MYBPC1: variants seen among roughly 807,000 people sequenced by gnomAD.
MYBPC1 encodes the protein myosin-binding protein C, slow-type.
Under a neutral mutation model 147.1 loss-of-function variants are expected in MYBPC1, and 52 were observed. The observed-to-expected ratio is 0.35, with a 90% CI of 0.28 to 0.45. The LOEUF (loss-of-function observed/expected upper bound fraction) is 0.45. Ranked by LOEUF, MYBPC1 falls within the 20% of genes least tolerant of loss-of-function variation. The pLI is 1.00. For synonymous variants in MYBPC1, 477 were observed against 475.9 expected (o/e 1.00, Z -0.03); for missense variants, 1,228 against 1,440.3 (o/e 0.85, Z 2.39).
At chr12:101,638,127 A>G (rs1697484) in intron 10 of MYBPC1, among the ~76,000 whole-genome samples, 95,074 of 152,082 alleles carry the variant, frequency 0.63, 30,914 homozygotes, top group African/African-American at 0.8. Context: ...TATTAAAGAT[A>G]CCACTCTGAA....
intron 1 of MYBPC1, among the ~76,000 whole-genome samples, chr12:101,610,057 G>T (rs1006716449): frequency 1.2e-4 from 19 of 152,192 alleles, no homozygotes; most frequent in Non-Finnish European, 2.2e-4. Flanking sequence ...TGCATGAGCA[G>T]TTCCTTCAAG....
At position 101,670,340 on chromosome 12, in the gene MYBPC1, T is replaced by C. The variant is rs7139095; in HGVS notation, c.2544T>C (p.Ile848=). Residue 848 remains isoleucine (I), a synonymous_variant, in exon 24 of 32, where the codon ATT becomes ATC. Transcript: ENST00000361466. ...TCTCAGAACCTCCAAAGATTCGCATTCCAAGACACCTGAAGCAAACCTATA... is the reference window on the plus strand; with the variant it reads ...TCTCAGAACCTCCAAAGATTCGCATCCCAAGACACCTGAAGCAAACCTATA... ...KEIIEPPKIR[I]PRHLKQTYIR... 0.95 allele frequency: 1,536,418 copies of C among 1,613,850 alleles called. 731,518 individuals are homozygous for C. The highest frequency in any genetic ancestry group is 1 in the East Asian group (44,863 of 44,874).
At position 101,646,854 on chromosome 12, in the gene MYBPC1, G is replaced by T; in HGVS notation, c.1057G>T (p.Asp353Tyr). ...DDSEYYVTAG[D>Y]EKCSTELFVR... ...TTCAGAGTATTATGTGACAGCCGGTGATGAGAAATGTTCCACTGAGCTCTT... is the reference window on the plus strand; with the variant it reads ...TTCAGAGTATTATGTGACAGCCGGTTATGAGAAATGTTCCACTGAGCTCTT... Residue 353 changes from aspartate to tyrosine, a missense_variant, in exon 13 of 32, where the codon GAT becomes TAT. Asp to Tyr is a radical substitution (Grantham distance 160). Around this residue, in one of 2 missense-constraint regions of MYBPC1, gnomAD observed 1,077 missense variants for 1,314.2 expected, o/e 0.82. Transcript: ENST00000361466. 1.2e-6 allele frequency: 2 copies of T among 1,614,146 alleles called. No individual in the cohort carries two copies. The highest frequency in any genetic ancestry group is 1.7e-6 in the Non-Finnish European group (2 of 1,179,986).
intron 3 of MYBPC1, among the ~76,000 whole-genome samples, chr12:101,617,760 CTT>C (rs1886474232): frequency 6.6e-6 from 1 of 152,158 alleles, no homozygotes; most frequent in South Asian, 2.1e-4. Flanking sequence ...CATGTTGCCC[CTT>C]CTTGAACTGG....
intron 11 of MYBPC1, 99 bp downstream of exon 11, chr12:101,642,684 G>A: frequency 7.2e-7 from 1 of 1,394,992 alleles, no homozygotes; most frequent in Non-Finnish European, 9.8e-7. Flanking sequence ...GTCTCCCGCG[G>A]GGTTGGGAGT....
intron 9 of MYBPC1, among the ~76,000 whole-genome samples, chr12:101,635,297 A>G (rs1171002322): frequency 6.6e-6 from 1 of 152,176 alleles, no homozygotes; most frequent in African/African-American, 2.4e-5. Flanking sequence ...CATAATATAA[A>G]TTCTTTAATG....
intron 3 of MYBPC1, among the ~76,000 whole-genome samples, chr12:101,626,120 T>C (rs1156430599): frequency 8.4e-6 from 1 of 118,562 alleles, no homozygotes; most frequent in African/African-American, 3.0e-5. Context: ...AAATTTATCC[T>C]TCTACTGAAG....
chr12:101,600,162 C>T (rs11110880), intron 1 of MYBPC1, among the ~76,000 whole-genome samples: 34,150 of 152,044 alleles, frequency 0.22, 4,632 homozygotes, highest in African/African-American at 0.38. Context: ...GTAAGGGAGA[C>T]TGTGGACTGG....
rs1593538879 is a variant in MYBPC1 at position 101,594,983 on chromosome 12, T to G, written c.-88T>G. Reference sequence around the variant, plus strand: ...TCCCCAACTGCTTGTCACACCGACCTGCACCATCTCTCGCCTGCCTGTGGG... The same window carrying G: ...TCCCCAACTGCTTGTCACACCGACCGGCACCATCTCTCGCCTGCCTGTGGG... On this transcript the variant is annotated 5_prime_UTR_variant, in exon 1 of 32. Transcript: ENST00000361466. The G allele has an allele frequency of 7.6e-7, 1 of 1,313,934 alleles. No individual in the cohort carries two copies. Among genetic ancestry groups the G allele is most frequent in the Admixed American group, 1.7e-5 (1 of 58,580 alleles). 81.4% of individuals were successfully genotyped at this position (1,313,934 alleles called of 1,614,324 possible).
chr12:101,652,546 TTCTC>T, intron 16 of MYBPC1, 128 bp from the exon 17 acceptor site: 1 of 573,242 alleles, frequency 1.7e-6, no homozygotes, highest in South Asian at 1.8e-5. Flanking sequence ...CTCTCTCTCT[TTCTC>T]TCTCTCTCTC....
At chr12:101,664,926 C>T (rs1000915386) in intron 22 of MYBPC1, among the ~76,000 whole-genome samples, 9 of 152,174 alleles carry the variant, frequency 5.9e-5, no homozygotes, top group Non-Finnish European at 1.2e-4. Flanking sequence ...AAGTCATGAG[C>T]ACTCCATTCT....
intron 20 of MYBPC1, 107 bp downstream of exon 20, chr12:101,661,369 T>A (rs1896522035): frequency 1.4e-6 from 1 of 738,106 alleles, no homozygotes. Context: ...AGAAAACCTA[T>A]TTTACTGTGA....
intron 2 of MYBPC1, 67 bp from the exon 3 acceptor site, chr12:101,617,135 C>A (rs2057398046): frequency 1.3e-6 from 2 of 1,484,008 alleles, no homozygotes; most frequent in Non-Finnish European, 1.9e-6. Flanking sequence ...CCTCTCCACC[C>A]CGTTGCTCAT....
chr12:101,612,583 G>A (rs977506249), intron 1 of MYBPC1, among the ~76,000 whole-genome samples: 29 of 152,150 alleles, frequency 1.9e-4, no homozygotes, highest in African/African-American at 5.6e-4. Context: ...GTAGAATAAT[G>A]GGATGAAACA....
In MYBPC1 at chr12:101,611,505, C is replaced by T. The variant is rs544657976; in HGVS notation, c.26-2991C>T. 2.5e-4 allele frequency among the ~76,000 whole-genome samples: 38 copies of T among 152,264 alleles called. No homozygotes were observed. The South Asian group carries it at 6.6e-3, about 27-fold the overall frequency. ...AAAATGGGAATTGGTCACATAGATGCTAAACAAGTATGATCAATTTAATAG... is the reference window on the plus strand; with the variant it reads ...AAAATGGGAATTGGTCACATAGATGTTAAACAAGTATGATCAATTTAATAG... On this transcript the variant is annotated intron_variant, in intron 1 of 31. Coordinates refer to ENST00000361466, the MANE Select transcript of MYBPC1 (RefSeq NM_002465.4).
At chr12:101,611,952 C>T (rs532665310) in intron 1 of MYBPC1, among the ~76,000 whole-genome samples, 2 of 152,084 alleles carry the variant, frequency 1.3e-5, no homozygotes, top group African/African-American at 4.8e-5. Flanking sequence ...TGGCATGCAC[C>T]TATAGTCCCA....
chr12:101,643,965 A>C (rs1414698074), intron 11 of MYBPC1, among the ~76,000 whole-genome samples: 1 of 152,234 alleles, frequency 6.6e-6, no homozygotes, highest in Non-Finnish European at 1.5e-5. Flanking sequence ...TCTGTGACTT[A>C]GAAGGAGTGC....
intron 3 of MYBPC1, among the ~76,000 whole-genome samples, chr12:101,620,449 C>T (rs967610347): frequency 6.6e-6 from 1 of 152,168 alleles, no homozygotes; most frequent in African/African-American, 2.4e-5. Context: ...CTGGGTCCTG[C>T]CCTCCTGGAG....
chr12:101,694,944 A>G, the MYBPC1 span, among the ~76,000 whole-genome samples: 9 of 152,354 alleles, frequency 5.9e-5, no homozygotes, highest in East Asian at 1.9e-4. Flanking sequence ...TAGTTATTGT[A>G]CAGACAAAGG....
Sources: allele counts gnomAD v4.1 joint callset (sites outside exome capture counted in the v4.1 genomes callset), GRCh38; gene constraint gnomAD v4.1.1; regional missense constraint gnomAD v4.1.1; transcripts MANE v1.5; gene names NCBI Gene and HGNC (gene_info 2026-07-23, HGNC 2026-07-21).